The following QSOX1 variants were observed in gnomAD, a reference collection of about 807,000 sequenced individuals.
QSOX1 encodes sulfhydryl oxidase 1.
A neutral mutation model predicts 76.1 loss-of-function variants in QSOX1; 40 were observed. The ratio of observed to expected loss-of-function variants is 0.53; its 90% CI spans 0.41 to 0.68. The LOEUF (loss-of-function observed/expected upper bound fraction) is 0.68, where lower values mean the gene tolerates loss of function less well. Ranked by LOEUF, QSOX1 falls within the 30% of genes least tolerant of loss-of-function variation. The pLI is 0.00. For missense variants in QSOX1, 931 were observed against 974.3 expected, an observed-to-expected ratio of 0.96 and a Z score of 0.59; for synonymous variants, 392 against 413.1, an observed-to-expected ratio of 0.95 and a Z score of 0.62.
chr1:180,163,739 C>T (rs1662545894), intron 1 of QSOX1, among the ~76,000 whole-genome samples: 1 of 152,160 alleles, frequency 6.6e-6, no homozygotes, highest in South Asian at 2.1e-4. Context: ...GAAGAACTGC[C>T]TTCTGGTTGT....
At chr1:180,162,616 G>A (rs1662518278) in intron 1 of QSOX1, among the ~76,000 whole-genome samples, 1 of 152,100 alleles carries the variant, frequency 6.6e-6, no homozygotes, top group African/African-American at 2.4e-5. Flanking sequence ...GTGTGCACCT[G>A]TGGTACCAGC....
At chr1:180,186,004 C>T (rs1174611750) in intron 7 of QSOX1, 49 bp from the exon 8 acceptor site, 1 of 1,603,766 alleles carries the variant, frequency 6.2e-7, no homozygotes, top group Non-Finnish European at 8.5e-7. Context: ...GCAGCCCCTG[C>T]ACCATGGTTA....
At chr1:180,157,095 G>C (rs1464481305) in intron 1 of QSOX1, among the ~76,000 whole-genome samples, 2 of 152,188 alleles carry the variant, frequency 1.3e-5, no homozygotes, top group Non-Finnish European at 2.9e-5. Context: ...GGATTCCCCA[G>C]TGCATGGAGC....
chr1:180,175,616 C>T (rs982132576), intron 3 of QSOX1, among the ~76,000 whole-genome samples: 8 of 152,190 alleles, frequency 5.3e-5, no homozygotes, highest in Admixed American at 6.5e-5. Context: ...GCACCATGTT[C>T]CCAGAAGAGC....
At chr1:180,159,064 A>G (rs1662436249) in intron 1 of QSOX1, among the ~76,000 whole-genome samples, 1 of 152,132 alleles carries the variant, frequency 6.6e-6, no homozygotes, top group Non-Finnish European at 1.5e-5. Context: ...CCAAGCCCCC[A>G]GTGGGGGCTC....
Position 180,197,292 on chromosome 1 carries a change from C to T in QSOX1, c.*255C>T. 6.2e-7 allele frequency: 1 copy of T among 1,613,784 alleles called. No homozygotes were observed. Among genetic ancestry groups the T allele is most frequent in the Non-Finnish European group, 8.5e-7 (1 of 1,179,974 alleles). ...GCCCCGGGCAGTGGGCATAGGGCAGCTCAGTCCCTGGCCTCTTAGCACCAC... is the reference window on the plus strand; with the variant it reads ...GCCCCGGGCAGTGGGCATAGGGCAGTTCAGTCCCTGGCCTCTTAGCACCAC... On this transcript the variant is annotated 3_prime_UTR_variant, in exon 12 of 12. Transcript: ENST00000367602.
chr1:180,199,816 A>C lies in QSOX1; in HGVS notation c.*2779A>C, dbSNP rs2149245186. Reference sequence around the variant, plus strand: ...TGGGAGGGGTGGGGGTCCAGGCTGGAGGGGCCCAATGTAGGTGTAGAGGGA... The same window carrying C: ...TGGGAGGGGTGGGGGTCCAGGCTGGCGGGGCCCAATGTAGGTGTAGAGGGA... On this transcript the variant is annotated 3_prime_UTR_variant, in exon 12 of 12. Coordinates refer to ENST00000367602, the MANE Select transcript of QSOX1 (RefSeq NM_002826.5). 6.6e-6 allele frequency: 1 copy of C among 150,534 alleles called. No individual in the cohort carries two copies. The highest frequency in any genetic ancestry group is 3.4e-3 in the Middle Eastern group (1 of 294). 9.3% of individuals were successfully genotyped at this position (150,534 alleles called of 1,614,324 possible).
At chr1:180,163,667 A>G (rs77962924) in intron 1 of QSOX1, among the ~76,000 whole-genome samples, 4,242 of 152,318 alleles carry the variant, frequency 0.028, 160 homozygotes, top group African/African-American at 0.089. Context: ...ATGAATATCT[A>G]TGACTTAATT....
chr1:180,179,218 G>C (rs1005432783), intron 5 of QSOX1, among the ~76,000 whole-genome samples: 1 of 152,234 alleles, frequency 6.6e-6, no homozygotes, highest in Non-Finnish European at 1.5e-5. Context: ...CAGCTAGTAA[G>C]TTGGTAGAAG....
chr1:180,191,417 C>T (rs73040466), intron 10 of QSOX1, among the ~76,000 whole-genome samples: 4,328 of 152,250 alleles, frequency 0.028, 113 homozygotes, highest in East Asian at 0.064. Context: ...GTAGGGATTC[C>T]GCCAGGAGAG....
intron 1 of QSOX1, 40 bp downstream of exon 1, chr1:180,155,212 C>T (rs535013320): frequency 7.0e-7 from 1 of 1,432,382 alleles, no homozygotes; most frequent in Non-Finnish European, 9.1e-7. Flanking sequence ...TGCCCCGCCG[C>T]CCGGACCCCT....
intron 10 of QSOX1, 142 bp downstream of exon 10, chr1:180,190,722 C>T (rs762707370): frequency 2.8e-6 from 3 of 1,089,398 alleles, no homozygotes; most frequent in African/African-American, 3.2e-5. Context: ...AGCCTTGGGG[C>T]TCTGGCTGGA....
At chr1:180,157,766 C>T (rs1662405131) in intron 1 of QSOX1, among the ~76,000 whole-genome samples, 1 of 152,168 alleles carries the variant, frequency 6.6e-6, no homozygotes, top group Non-Finnish European at 1.5e-5. Context: ...CAATTTAGAC[C>T]TTCATTGCTA....
chr1:180,162,907 A>T (rs1450696853), intron 1 of QSOX1, among the ~76,000 whole-genome samples: 2 of 152,172 alleles, frequency 1.3e-5, no homozygotes, highest in Non-Finnish European at 2.9e-5. Flanking sequence ...TATAGAGAGG[A>T]CTCCATTTTC....
intron 2 of QSOX1, among the ~76,000 whole-genome samples, chr1:180,167,717 G>T (rs1662666299): frequency 6.6e-6 from 1 of 152,170 alleles, no homozygotes; most frequent in South Asian, 2.1e-4. Context: ...GCTGAGACCA[G>T]GTTGGTCTCC....
At position 180,183,902 on chromosome 1, in the gene QSOX1, C is replaced by G; in HGVS notation, c.753-14C>G. 1 of 1,610,158 alleles carries G rather than the reference C, an allele frequency of 6.2e-7. No individual in the cohort carries two copies. Among genetic ancestry groups the G allele is most frequent in the Non-Finnish European group, 8.5e-7 (1 of 1,177,122 alleles). ...CACTTACTGCCTCTCCTCCCTGGTTCTGTGCCCTCACAGGCTCATGGAATC... is the reference window on the plus strand; with the variant it reads ...CACTTACTGCCTCTCCTCCCTGGTTGTGTGCCCTCACAGGCTCATGGAATC... On this transcript the variant is annotated splice_polypyrimidine_tract_variant and intron_variant, in intron 6 of 11. Coordinates refer to ENST00000367602, the MANE Select transcript of QSOX1 (RefSeq NM_002826.5).
intron 1 of QSOX1, among the ~76,000 whole-genome samples, chr1:180,158,424 A>G (rs916453628): frequency 4.6e-5 from 7 of 152,244 alleles, no homozygotes; most frequent in Non-Finnish European, 1.0e-4. Flanking sequence ...CATGGTGGCC[A>G]GTGGCCTGAG....
chr1:180,187,666 A>G (rs1180043027), intron 8 of QSOX1, among the ~76,000 whole-genome samples: 3 of 152,136 alleles, frequency 2.0e-5, no homozygotes, highest in Non-Finnish European at 4.4e-5. Flanking sequence ...CAGAGGCATC[A>G]CCCCCTCTGT....
At chr1:180,194,978 G>A (rs774635769) in intron 11 of QSOX1, among the ~76,000 whole-genome samples, 2 of 150,068 alleles carry the variant, frequency 1.3e-5, no homozygotes, top group Admixed American at 1.3e-4. Flanking sequence ...AGCGGTGCAC[G>A]TGGCTGTGAC....
Sources: gnomAD v4.1 joint callset for allele counts (sites outside exome capture counted in the v4.1 genomes callset) on GRCh38, gnomAD v4.1.1 for gene constraint, MANE v1.5 for transcripts, NCBI Gene and HGNC (gene_info 2026-07-23, HGNC 2026-07-21) for gene names.